The following ACTR3C variants were observed in gnomAD, a reference collection of about 807,000 sequenced individuals.
ACTR3C encodes the protein actin related protein 3C.
A neutral mutation model predicts 26.3 loss-of-function variants in ACTR3C; 18 were observed. That is an observed-to-expected ratio of 0.68 (90% CI 0.47 to 1.01). The LOEUF (loss-of-function observed/expected upper bound fraction) is 1.01, where lower values mean the gene tolerates loss of function less well. ACTR3C is among the 50% of genes least tolerant of loss of function. The probability of loss-of-function intolerance (pLI) is 0.00; values close to 1 mark genes in which losing one functional copy is unlikely to be tolerated. For synonymous variants in ACTR3C, 55 were observed against 94.5 expected (o/e 0.58, Z 2.42); for missense variants, 184 against 250.7 (o/e 0.73, Z 1.80).
chr7:149,921,801 C>T, the ACTR3C span, among the ~76,000 whole-genome samples: 1 of 151,940 alleles, frequency 6.6e-6, no homozygotes, highest in Non-Finnish European at 1.5e-5. Flanking sequence ...GGCTTGAACC[C>T]AGGAGGCAGA....
the ACTR3C span, among the ~76,000 whole-genome samples, chr7:150,039,100 T>G: frequency 6.7e-6 from 1 of 149,090 alleles, no homozygotes; most frequent in Non-Finnish European, 1.5e-5. Context: ...CCCACAGTCC[T>G]CCAGGTGGGT....
the ACTR3C span, among the ~76,000 whole-genome samples, chr7:150,104,498 T>G: frequency 6.6e-6 from 1 of 151,812 alleles, no homozygotes. Flanking sequence ...TTAGTTTCCC[T>G]GTCTTCAGGA....
chr7:150,068,754 G>T, the ACTR3C span, among the ~76,000 whole-genome samples: 1 of 131,014 alleles, frequency 7.6e-6, no homozygotes, highest in Non-Finnish European at 1.5e-5. Flanking sequence ...CTGCACTCCA[G>T]CCTGGGTGAC....
intron 6 of ACTR3C, among the ~76,000 whole-genome samples, chr7:150,269,422 C>G (rs1043341228): frequency 3.3e-5 from 5 of 149,264 alleles, no homozygotes; most frequent in Non-Finnish European, 7.4e-5. Context: ...ACCCCCCCAC[C>G]CGTGGGCTCC....
chr7:150,163,756 G>A, the ACTR3C span, among the ~76,000 whole-genome samples: 10 of 152,138 alleles, frequency 6.6e-5, 1 homozygote, highest in East Asian at 3.9e-4. Flanking sequence ...GAGCATCCCC[G>A]TTCAGGCAGG....
chr7:150,034,725 C>T, the ACTR3C span, among the ~76,000 whole-genome samples: 1 of 151,444 alleles, frequency 6.6e-6, no homozygotes, highest in Non-Finnish European at 1.5e-5. Context: ...ACCCACAGTC[C>T]TCCAGGTGGG....
At chr7:149,982,745 C>T in the ACTR3C span, among the ~76,000 whole-genome samples, 5 of 152,192 alleles carry the variant, frequency 3.3e-5, no homozygotes, top group East Asian at 1.9e-4. Flanking sequence ...GATCTAAGCT[C>T]ATTTTCTAGG....
At chr7:150,035,523 GT>G in the ACTR3C span, among the ~76,000 whole-genome samples, 127 of 106,046 alleles carry the variant, frequency 1.2e-3, 4 homozygotes, top group African/African-American at 4.7e-3. Flanking sequence ...CCCCACTCTC[GT>G]GGGGGGTGCC....
chr7:149,884,308 A>C, the ACTR3C span, among the ~76,000 whole-genome samples: 1 of 152,300 alleles, frequency 6.6e-6, no homozygotes, highest in East Asian at 1.9e-4. Context: ...GATTTAGGCC[A>C]CATACTGGGT....
chr7:149,942,298 A>C, the ACTR3C span, among the ~76,000 whole-genome samples: 1 of 152,314 alleles, frequency 6.6e-6, no homozygotes, highest in East Asian at 1.9e-4. Context: ...AATGGGCTTC[A>C]ACTAGAAGAA....
the ACTR3C span, among the ~76,000 whole-genome samples, chr7:150,145,420 C>T: frequency 6.6e-6 from 1 of 151,944 alleles, no homozygotes; most frequent in South Asian, 2.1e-4. Flanking sequence ...AAGCATCTTT[C>T]CTGCCATAGG....
chr7:150,281,041 T>G (rs974663677), intron 6 of ACTR3C, among the ~76,000 whole-genome samples: 4 of 152,080 alleles, frequency 2.6e-5, no homozygotes, highest in African/African-American at 9.7e-5. Flanking sequence ...TGTTGGTCTA[T>G]GTGGCTAGCA....
chr7:149,919,810 A>C, the ACTR3C span, among the ~76,000 whole-genome samples: 1 of 151,846 alleles, frequency 6.6e-6, no homozygotes, highest in Non-Finnish European at 1.5e-5. Context: ...AAAGGTATAC[A>C]AAGTCTGTTT....
the ACTR3C span, among the ~76,000 whole-genome samples, chr7:150,009,131 C>G: frequency 6.6e-6 from 1 of 152,264 alleles, no homozygotes; most frequent in African/African-American, 2.4e-5. Flanking sequence ...GAGCAAAGCC[C>G]TAAAAGATAG....
chr7:150,166,382 C>T, the ACTR3C span, among the ~76,000 whole-genome samples: 1 of 150,892 alleles, frequency 6.6e-6, no homozygotes, highest in Non-Finnish European at 1.5e-5. Flanking sequence ...TTTCTTCCAG[C>T]TATTTTGAAA....
chr7:150,054,033 A>G, the ACTR3C span, among the ~76,000 whole-genome samples: 7 of 152,192 alleles, frequency 4.6e-5, no homozygotes, highest in African/African-American at 1.7e-4. Flanking sequence ...CAACAACACA[A>G]TGACTGTGAA....
At chr7:150,030,642 G>A in the ACTR3C span, among the ~76,000 whole-genome samples, 3 of 152,166 alleles carry the variant, frequency 2.0e-5, no homozygotes, top group African/African-American at 4.8e-5. Flanking sequence ...TGTTCAGGAA[G>A]GTGACCTTGC....
chr7:149,944,493 G>A, the ACTR3C span, among the ~76,000 whole-genome samples: 1 of 151,838 alleles, frequency 6.6e-6, no homozygotes, highest in Non-Finnish European at 1.5e-5. Context: ...GGTGCTCACA[G>A]TCTTGGGAAG....
chr7:150,148,347 T>G, the ACTR3C span, among the ~76,000 whole-genome samples: 28 of 152,060 alleles, frequency 1.8e-4, no homozygotes, highest in African/African-American at 5.3e-4. Context: ...CGTGGTGGCA[T>G]GCACCTGTAA....
Sources: allele counts gnomAD v4.1 joint callset (sites outside exome capture counted in the v4.1 genomes callset), GRCh38; gene constraint gnomAD v4.1.1; transcripts MANE v1.5; gene names NCBI Gene and HGNC (gene_info 2026-07-23, HGNC 2026-07-21).